The following PRRC2C variants were observed in gnomAD, a reference collection of about 807,000 sequenced individuals.
PRRC2C encodes the protein proline rich coiled-coil 2C.
PRRC2C carries 72 observed loss-of-function variants against 317.2 expected under a neutral mutation model. The ratio of observed to expected loss-of-function variants is 0.23; its 90% confidence interval spans 0.19 to 0.28. PRRC2C has a LOEUF of 0.28. PRRC2C is among the 10% of genes least tolerant of loss of function. PRRC2C has a pLI of 1.00. For missense variants in PRRC2C, 3,074 were observed against 3,459.7 expected (o/e 0.89, Z 2.80); for synonymous variants, 1,296 against 1,205.9 (o/e 1.07, Z -1.55).
At chr1:171,559,510 T>TTTG (rs1682186521) in intron 19 of PRRC2C, among the ~76,000 whole-genome samples, 2 of 5,786 alleles carry the variant, frequency 3.5e-4, no homozygotes, top group Admixed American at 1.2e-3. Flanking sequence ...ACCAAGTTTG[T>TTTG]TTTTTTTTTT....
Position 171,536,116 on chromosome 1 carries a change from G to A in PRRC2C, c.2131G>A (p.Val711Ile). 4.4e-6 allele frequency: 7 copies of A among 1,573,236 alleles called. No homozygotes were observed. Among genetic ancestry groups the A allele is most frequent in the Non-Finnish European group, 6.0e-6 (7 of 1,157,890 alleles). Residue 711 changes from valine (V) to isoleucine (I), a missense_variant, in exon 14 of 35, where the codon GTC (valine) becomes ATC (isoleucine). By Grantham distance (29) the Val-to-Ile change is conservative (BLOSUM62 3). Around this residue, in one of 11 missense-constraint regions of PRRC2C, gnomAD observed 1,320 missense variants for 1,395.7 expected, o/e 0.95. Transcript: ENST00000647382. The stretch of plus-strand genomic sequence containing the variant: ...TCCTTCACAACCGTCCAGTAGTACT[G>A]TCCCTCCTCCACCACACAGACCTCT... The part of the protein sequence containing the change: ...TVPSQPSSST[V>I]PPPPHRPLYQ...
In PRRC2C at chr1:171,551,672, C is replaced by G. The variant is rs552983752; in HGVS notation, c.5127+1432C>G. On this transcript the variant is annotated intron_variant, in intron 18 of 34. Transcript: ENST00000647382. ...AAGGAAGGGATCCAGTTTCAGCTTT[C>G]TACATATGGCTAGCCAGTTTTCCCA... 7.9e-5 allele frequency among the ~76,000 whole-genome samples: 12 copies of G among 152,256 alleles called. No homozygotes were observed. In the East Asian group the frequency reaches 2.3e-3, roughly 29 times the overall value.
Position 171,532,934 on chromosome 1 carries a change from CAAG to C in PRRC2C, c.1849_1851del (p.Glu617del). The C allele has an allele frequency of 4.5e-6, 7 of 1,561,322 alleles. No individual in the cohort carries two copies. Among genetic ancestry groups the C allele is most frequent in the Non-Finnish European group, 5.1e-6 (6 of 1,165,076 alleles). On this transcript the variant is annotated inframe_deletion, in exon 12 of 35. Coordinates refer to ENST00000647382, the MANE Select transcript of PRRC2C (RefSeq NM_001387844.1). ...TAATTTAGAGCCCATGGTAGAAAAA[CAAG>C]AAAGTGAAAACAGCTGTAATAAAGG...
Position 171,545,601 on chromosome 1 carries a change from A to G in PRRC2C, c.4886A>G (p.Lys1629Arg). The stretch of plus-strand genomic sequence containing the variant: ...AAGAACTCCAAAGATTCTACTGGGA[A>G]AAAAAGAGAAGACCCCAAACCAGGC... ...GQKNSKDSTG[K>R]KREDPKPGPK... The change falls in exon 17 of 35, where the codon AAA becomes AGA. Residue 1629 changes from lysine to arginine, a missense_variant. Transcript: ENST00000647382. The G allele has an allele frequency of 6.2e-7, 1 of 1,612,334 alleles. No homozygotes were observed. The highest frequency in any genetic ancestry group is 8.5e-7 in the Non-Finnish European group (1 of 1,179,162).
At chr1:171,558,270 T>C in intron 19 of PRRC2C, 127 bp downstream of exon 19, 1 of 1,265,620 alleles carries the variant, frequency 7.9e-7, no homozygotes, top group South Asian at 1.8e-5. Context: ...GAAAAAGTAA[T>C]AGTAATCCTC....
chr1:171,532,957 T>A lies in PRRC2C; in HGVS notation c.1869T>A (p.Asn623Lys). 1 of 1,547,464 alleles carries A rather than the reference T, an allele frequency of 6.5e-7. No individual in the cohort carries two copies. The highest frequency in any genetic ancestry group is 8.6e-7 in the Non-Finnish European group (1 of 1,158,454). ...VEKQESENSCNKEEEPVFTRQ... is the reference protein window; with the variant it reads ...VEKQESENSCKKEEEPVFTRQ... ...AACAAGAAAGTGAAAACAGCTGTAA[T>A]AAAGGTTTGATAGTATTCTTCATTC... The change falls in exon 12 of 35, where the codon AAT becomes AAA. Residue 623 changes from asparagine (N) to lysine (K), a missense_variant. Around this residue, in one of 11 missense-constraint regions of PRRC2C, gnomAD observed 1,320 missense variants for 1,395.7 expected, o/e 0.95. Transcript: ENST00000647382.
chr1:171,543,550 G>C (rs1025756265), intron 16 of PRRC2C, among the ~76,000 whole-genome samples: 80 of 152,204 alleles, frequency 5.3e-4, no homozygotes, highest in African/African-American at 1.8e-3. Flanking sequence ...TTAATACCTG[G>C]TATATAGTAA....
At chr1:171,498,330 A>G (rs1476666507) in intron 1 of PRRC2C, among the ~76,000 whole-genome samples, 1 of 152,162 alleles carries the variant, frequency 6.6e-6, no homozygotes, top group Non-Finnish European at 1.5e-5. Context: ...AGATCAAGTT[A>G]TCGACAGGCA....
Position 171,586,995 on chromosome 1 carries a change from T to A in PRRC2C, c.7750-8T>A. On this transcript the variant is annotated splice_polypyrimidine_tract_variant and splice_region_variant and intron_variant, in intron 30 of 34. Coordinates refer to ENST00000647382, the MANE Select transcript of PRRC2C (RefSeq NM_001387844.1). ...AATTGCTTCAGTTTCTCTTTACTTA[T>A]TTTCTAGGTTACAGTACCTTTACCA... is the stretch of plus-strand genomic sequence containing the variant. 2 of 1,577,308 alleles carry A rather than the reference T, an allele frequency of 1.3e-6. No homozygotes were observed. The highest frequency in any genetic ancestry group is 1.7e-6 in the Non-Finnish European group (2 of 1,154,392).
intron 1 of PRRC2C, among the ~76,000 whole-genome samples, chr1:171,488,314 C>T (rs904751921): frequency 5.3e-5 from 8 of 152,130 alleles, no homozygotes; most frequent in Non-Finnish European, 1.0e-4. Context: ...GATTTTGTCA[C>T]CTTATGAATA....
rs1318437665 is a variant in PRRC2C, at chr1:171,541,055, T to C, written c.3589T>C (p.Ser1197Pro). 1.9e-6 allele frequency: 3 copies of C among 1,612,926 alleles called. No homozygotes were observed. The highest frequency in any genetic ancestry group is 1.7e-5 in the Admixed American group (1 of 59,776). The change falls in exon 16 of 35, where the codon TCC becomes CCC. Residue 1197 changes from serine to proline, a missense_variant. Ser to Pro is a moderately conservative substitution (Grantham distance 74, BLOSUM62 -1). Coordinates refer to ENST00000647382, the MANE Select transcript of PRRC2C (RefSeq NM_001387844.1). This position sits in a 1 kb window ranked among gnomAD's most constrained non-coding sequence, Gnocchi z 4.1. The stretch of plus-strand genomic sequence containing the variant: ...AGGTCGAGGCCGAGGTGAATATTAC[T>C]CCAGAGGTCGAAGCTATAGAGGTTC... ...YRGRGRGEYY[S>P]RGRSYRGSYG...
intron 29 of PRRC2C, 55 bp downstream of exon 29, chr1:171,584,242 A>G: frequency 6.9e-7 from 1 of 1,456,614 alleles, no homozygotes; most frequent in Non-Finnish European, 9.4e-7. Context: ...GCCACAGATC[A>G]TTTTAAGGAA....
chr1:171,588,421 C>T lies in PRRC2C; in HGVS notation c.8115C>T (p.Asn2705=). The T allele has an allele frequency of 6.2e-7, 1 of 1,613,528 alleles. No individual in the cohort carries two copies. Among genetic ancestry groups the T allele is most frequent in the South Asian group, 1.1e-5 (1 of 91,002 alleles). Residue 2705 remains asparagine, a synonymous_variant, in exon 33 of 35, where the codon AAC becomes AAT. Transcript: ENST00000647382. The part of the protein sequence containing the change: ...TSPNSQSSKM[N]SIVYQKQFQS... The stretch of plus-strand genomic sequence containing the variant: ...CGAACAGCCAGTCCAGCAAAATGAA[C>T]AGCATTGTCTACCAGAAGCAGTTCC...
intron 23 of PRRC2C, among the ~76,000 whole-genome samples, chr1:171,569,575 A>ATATATAT (rs1684330118): frequency 1.7e-5 from 1 of 60,130 alleles, no homozygotes; most frequent in Non-Finnish European, 3.4e-5. Flanking sequence ...AAGTGGTTTA[A>ATATATAT]ATATATATAT....
intron 3 of PRRC2C, among the ~76,000 whole-genome samples, chr1:171,514,211 C>G (rs543590427): frequency 6.6e-6 from 1 of 151,982 alleles, no homozygotes; most frequent in Non-Finnish European, 1.5e-5. Flanking sequence ...TAAGTGTTCA[C>G]TTCTTCAAAA....
chr1:171,541,482 G>A lies in PRRC2C; in HGVS notation c.4016G>A (p.Gly1339Glu). 7 of 1,613,662 alleles carry A rather than the reference G, an allele frequency of 4.3e-6. No homozygotes were observed. The highest frequency in any genetic ancestry group is 3.3e-4 in the Middle Eastern group (2 of 6,062). The change falls in exon 16 of 35, where the codon GGA (glycine) becomes GAA (glutamate). Residue 1339 changes from glycine to glutamate, a missense_variant. Physicochemically the swap from Gly to Glu is moderately conservative, Grantham distance 98 (BLOSUM62 -2). Transcript: ENST00000647382. This position sits in a 1 kb window ranked among gnomAD's most constrained non-coding sequence, Gnocchi z 4.1. ...DKAKPGFLPKGEPTRRGRGGT... is the reference protein window; with the variant it reads ...DKAKPGFLPKEEPTRRGRGGT... ...GCTAAACCAGGCTTTCTTCCTAAAG[G>A]AGAGCCTACAAGGAGAGGCAGAGGG...
intron 5 of PRRC2C, among the ~76,000 whole-genome samples, chr1:171,516,599 T>A (rs1672410892): frequency 6.6e-6 from 1 of 152,218 alleles, no homozygotes; most frequent in Non-Finnish European, 1.5e-5. Flanking sequence ...TTTTCACCAG[T>A]TGTCTATTGC....
intron 6 of PRRC2C, among the ~76,000 whole-genome samples, chr1:171,518,949 G>A (rs1300006164): frequency 6.7e-6 from 1 of 148,382 alleles, no homozygotes; most frequent in African/African-American, 2.5e-5. Flanking sequence ...GTGGCATGAT[G>A]TCGGCTCACT....
chr1:171,536,564 C>G (rs185357279), intron 14 of PRRC2C, among the ~76,000 whole-genome samples: 1 of 152,108 alleles, frequency 6.6e-6, no homozygotes, highest in East Asian at 1.9e-4. Flanking sequence ...CATTGTTGTT[C>G]TTCTTTAAAG....
Sources: gnomAD v4.1 joint callset for allele counts (sites outside exome capture counted in the v4.1 genomes callset) on GRCh38, gnomAD v4.1.1 for gene constraint, gnomAD v4.1.1 regional missense constraint, Gnocchi (gnomAD v3.1) non-coding constraint, MANE v1.5 for transcripts, NCBI Gene and HGNC (gene_info 2026-07-23, HGNC 2026-07-21) for gene names.